KDM5A: variants seen among roughly 807,000 people sequenced by gnomAD.
KDM5A encodes lysine-specific demethylase 5A.
In KDM5A, 42 loss-of-function variants were observed where a neutral mutation model predicts 193.5. The observed-to-expected ratio is 0.22, with a 90% CI of 0.17 to 0.28. KDM5A has a LOEUF of 0.28. Ranked by LOEUF, KDM5A falls within the 10% of genes least tolerant of loss-of-function variation. The pLI, the probability that KDM5A is intolerant of heterozygous loss-of-function variation, is 1.00. For missense variants in KDM5A, 1,692 were observed against 2,055.1 expected (o/e 0.82, Z 3.42); for synonymous variants, 796 against 718.1 (o/e 1.11, Z -1.73).
chr12:385,862 G>A (rs1440745910), intron 2 of KDM5A, 35 bp downstream of exon 2: 2 of 1,525,762 alleles, frequency 1.3e-6, no homozygotes, highest in Non-Finnish European at 9.1e-7. Flanking sequence ...TATAAAGAAT[G>A]AATCAGGAAG....
intron 9 of KDM5A, 80 bp from the exon 10 acceptor site, chr12:350,859 A>G: frequency 8.1e-7 from 1 of 1,241,616 alleles, no homozygotes; most frequent in Non-Finnish European, 1.2e-6. Flanking sequence ...AGGATCAAGT[A>G]AACACAAACC....
intron 20 of KDM5A, among the ~76,000 whole-genome samples, chr12:311,646 T>C (rs989907597): frequency 4.6e-5 from 7 of 151,920 alleles, no homozygotes; most frequent in African/African-American, 1.7e-4. Context: ...ATAGAAGCTG[T>C]CCAGATAAAA....
Position 292,828 on chromosome 12 carries a change from T to A in KDM5A, c.4797A>T (p.Gly1599=), listed in dbSNP as rs781349820. 5.1e-5 allele frequency: 83 copies of A among 1,614,128 alleles called. No homozygotes were observed. Among genetic ancestry groups the A allele is most frequent in the Non-Finnish European group, 6.3e-5 (74 of 1,180,048 alleles). The change falls in exon 27 of 28, where the codon GGA becomes GGT. Residue 1599 remains glycine (G), a synonymous_variant. Coordinates refer to ENST00000399788, the MANE Select transcript of KDM5A (RefSeq NM_001042603.3). The part of the protein sequence containing the change: ...LDIPSKYDWS[G]AEESDDENAV... ...CATTCTCATCATCAGACTCCTCTGC[T>A]CCTGACCAGTCATACTTTGAGGGGA...
chr12:374,080 G>A (rs1944468837), intron 3 of KDM5A, among the ~76,000 whole-genome samples: 2 of 152,198 alleles, frequency 1.3e-5, no homozygotes, highest in African/African-American at 2.4e-5. Context: ...GGAGAGTTCT[G>A]TAGATGTCTA....
chr12:322,996 G>A (rs570799888), intron 16 of KDM5A, 86 bp downstream of exon 16: 89 of 1,567,596 alleles, frequency 5.7e-5, no homozygotes, highest in Middle Eastern at 2.2e-4. Flanking sequence ...TTTCTTTTAC[G>A]GAAGGAAAAA....
In KDM5A at chr12:307,982, C is replaced by T. The variant is rs751124338; in HGVS notation, c.3402G>A (p.Glu1134=). ...AMVVAVFKER[E]QKEIEAMHSL... The stretch of plus-strand genomic sequence containing the variant: ...AATGCATGGCTTCAATCTCTTTTTG[C>T]TCCCGTTCTTTGAAAACTGCCACCT... Residue 1134 remains glutamate (E), a synonymous_variant, in exon 23 of 28, where the codon GAG becomes GAA. Coordinates refer to ENST00000399788, the MANE Select transcript of KDM5A (RefSeq NM_001042603.3). The surrounding 1 kb of genome is among the most constrained non-coding windows in gnomAD (Gnocchi z 4.3). 4 of 1,614,104 alleles carry T rather than the reference C, an allele frequency of 2.5e-6. No homozygotes were observed. In the Admixed American group the frequency reaches 5.0e-5, roughly 20 times the overall value.
chr12:354,728 C>T (rs1944210019), intron 7 of KDM5A, among the ~76,000 whole-genome samples: 1 of 151,712 alleles, frequency 6.6e-6, no homozygotes, highest in Non-Finnish European at 1.5e-5. Context: ...GATCGCACCA[C>T]TGCACTCCAG....
At chr12:371,850 T>C (rs144145478) in intron 3 of KDM5A, among the ~76,000 whole-genome samples, 1,639 of 152,344 alleles carry the variant, frequency 0.011, 14 homozygotes, top group Middle Eastern at 0.027. Context: ...CACCATTAAA[T>C]AGGGAATCCT....
At position 333,402 on chromosome 12, in the gene KDM5A, G is replaced by C. The variant is rs973015209; in HGVS notation, c.1653+85C>G. 1.3e-5 allele frequency: 19 copies of C among 1,481,584 alleles called. No individual in the cohort carries two copies. The African/African-American group carries it at 1.7e-4, about 13-fold the overall frequency. 91.8% of individuals were successfully genotyped at this position (1,481,584 alleles called of 1,614,324 possible). ...CCGCTGCACTCCAGCCTGGGCAACA[G>C]AGCAAGACCCTGTTTCAAAAAAAAA... On this transcript the variant is annotated intron_variant, in intron 12 of 27. Transcript: ENST00000399788.
intron 10 of KDM5A, among the ~76,000 whole-genome samples, chr12:340,043 T>C (rs1943981032): frequency 6.6e-6 from 1 of 151,938 alleles, no homozygotes; most frequent in East Asian, 1.9e-4. Flanking sequence ...ACCCAGCTAA[T>C]TTTTGTATTT....
chr12:369,184 CA>C (rs757763198), intron 3 of KDM5A, among the ~76,000 whole-genome samples: 95 of 152,220 alleles, frequency 6.2e-4, no homozygotes, highest in Non-Finnish European at 1.1e-3. Context: ...AACAATCAAT[CA>C]GGGGAAAATC....
At chr12:328,747 G>C (rs935416421) in intron 14 of KDM5A, 88 bp downstream of exon 14, 17 of 1,138,554 alleles carry the variant, frequency 1.5e-5, no homozygotes, top group Non-Finnish European at 2.0e-5. Flanking sequence ...AACTCCTAGG[G>C]GATAAGGGAT....
At chr12:293,498 G>A (rs562474898) in intron 26 of KDM5A, among the ~76,000 whole-genome samples, 3 of 152,230 alleles carry the variant, frequency 2.0e-5, no homozygotes, top group African/African-American at 7.2e-5. Flanking sequence ...AGATTTATGG[G>A]CCAGGCACAG....
intron 24 of KDM5A, among the ~76,000 whole-genome samples, chr12:303,147 A>G (rs1450750488): frequency 6.6e-6 from 1 of 152,224 alleles, no homozygotes; most frequent in East Asian, 1.9e-4. Flanking sequence ...CATTTGACCC[A>G]GCAATCCCAT....
At chr12:343,065 C>T (rs755954516) in intron 10 of KDM5A, among the ~76,000 whole-genome samples, 3 of 152,182 alleles carry the variant, frequency 2.0e-5, no homozygotes, top group Non-Finnish European at 4.4e-5. Context: ...GAGGCACTCC[C>T]GCCCAAATAC....
intron 27 of KDM5A, among the ~76,000 whole-genome samples, chr12:288,277 A>T (rs917650760): frequency 2.0e-5 from 3 of 152,218 alleles, no homozygotes; most frequent in Non-Finnish European, 4.4e-5. Context: ...CAGAATTTGG[A>T]TAACTGTATA....
At chr12:358,830 C>T (rs927308992) in intron 5 of KDM5A, among the ~76,000 whole-genome samples, 1 of 151,768 alleles carries the variant, frequency 6.6e-6, no homozygotes, top group Non-Finnish European at 1.5e-5. Context: ...AAATTAGCCA[C>T]ACATGGTGGC....
At position 307,652 on chromosome 12, in the gene KDM5A, C is replaced by T. The variant is rs780117599; in HGVS notation, c.3732G>A (p.Glu1244=). 6.2e-7 allele frequency: 1 copy of T among 1,614,238 alleles called. No homozygotes were observed. Among genetic ancestry groups the T allele is most frequent in the South Asian group, 1.1e-5 (1 of 91,084 alleles). Residue 1244 remains glutamate (E), a synonymous_variant, in exon 23 of 28, where the codon GAG becomes GAA. Transcript: ENST00000399788. The surrounding 1 kb of genome is among the most constrained non-coding windows in gnomAD (Gnocchi z 4.3). The stretch of plus-strand genomic sequence containing the variant: ...CACGTTCTGTCAAACACTGCAGGGC[C>T]TCTCCTTCAGGCAACCGTACGGGCA... ...QKLPVRLPEG[E]ALQCLTERAM...
chr12:325,530 A>C (rs1260948268), intron 14 of KDM5A, among the ~76,000 whole-genome samples: 1 of 151,912 alleles, frequency 6.6e-6, no homozygotes, highest in Non-Finnish European at 1.5e-5. Flanking sequence ...TACAAAAATT[A>C]CTGGGTGTGG....
Sources: gnomAD v4.1 joint callset for allele counts (sites outside exome capture counted in the v4.1 genomes callset) on GRCh38, gnomAD v4.1.1 for gene constraint, Gnocchi (gnomAD v3.1) non-coding constraint, MANE v1.5 for transcripts, NCBI Gene and HGNC (gene_info 2026-07-23, HGNC 2026-07-21) for gene names.